The following TTLL4 variants were observed in gnomAD, a reference collection of about 807,000 sequenced individuals.
The protein encoded by TTLL4 is tubulin monoglutamylase TTLL4.
In TTLL4, 85 loss-of-function variants were observed where a neutral mutation model predicts 122.7. The observed-to-expected ratio is 0.69, with a 90% confidence interval of 0.58 to 0.83. The LOEUF (loss-of-function observed/expected upper bound fraction) is 0.83. Among genes scored for constraint, TTLL4 ranks in the 40% least tolerant of loss-of-function variants. TTLL4 has a pLI of 0.00. For synonymous variants in TTLL4, 553 were observed against 563.0 expected, an observed-to-expected ratio of 0.98 and a Z score of 0.25; for missense variants, 1,363 against 1,488.6, an observed-to-expected ratio of 0.92 and a Z score of 1.39.
chr2:218,711,972 G>A (rs949007462), intron 1 of TTLL4, among the ~76,000 whole-genome samples: 1 of 151,818 alleles, frequency 6.6e-6, no homozygotes, highest in African/African-American at 2.4e-5. Flanking sequence ...ACTGAATACT[G>A]AGACACTGTT....
Position 218,747,639 on chromosome 2 carries a change from C to T in TTLL4, c.2292C>T (p.Asp764=), listed in dbSNP as rs759782948. 1 of 1,614,188 alleles carries T rather than the reference C, an allele frequency of 6.2e-7. No homozygotes were observed. Among genetic ancestry groups the T allele is most frequent in the South Asian group, 1.1e-5 (1 of 91,082 alleles). Residue 764 remains aspartate, a synonymous_variant, in exon 11 of 20, where the codon GAC becomes GAT. Transcript: ENST00000392102. This position sits in a 1 kb window ranked among gnomAD's most constrained non-coding sequence, Gnocchi z 4.7. The part of the protein sequence containing the change: ...KPYLISGSKF[D]LRIYVYVTSY... The stretch of plus-strand genomic sequence containing the variant: ...ACCTCATCAGCGGCAGCAAGTTTGA[C>T]CTGCGGATCTATGTTTATGTCACTT...
chr2:218,738,440 C>T lies in TTLL4; in HGVS notation c.764C>T (p.Ser255Leu). The change falls in exon 3 of 20, where the codon TCA (serine) becomes TTA (leucine). Residue 255 changes from serine (S) to leucine (L), a missense_variant. Coordinates refer to ENST00000392102, the MANE Select transcript of TTLL4 (RefSeq NM_014640.5). Reference sequence around the variant, plus strand: ...ATCCAGCCTGTCTCCTGGCATCATTCAGGGGGTACTGGAGACTGTGCACCG... The same window carrying T: ...ATCCAGCCTGTCTCCTGGCATCATTTAGGGGGTACTGGAGACTGTGCACCG... ...PKIQPVSWHH[S>L]GGTGDCAPQP... The T allele has an allele frequency of 1.9e-6, 3 of 1,614,212 alleles. No homozygotes were observed. Among genetic ancestry groups the T allele is most frequent in the South Asian group, 2.2e-5 (2 of 91,086 alleles).
Position 218,737,943 on chromosome 2 carries a change from C to T in TTLL4, c.267C>T (p.Ser89=). 1 of 1,614,220 alleles carries T rather than the reference C, an allele frequency of 6.2e-7. No individual in the cohort carries two copies. The highest frequency in any genetic ancestry group is 8.5e-7 in the Non-Finnish European group (1 of 1,180,050). The change falls in exon 3 of 20, where the codon AGC becomes AGT. Residue 89 remains serine (S), a synonymous_variant. Transcript: ENST00000392102. ...AYFFCPSTLC[S]SGTTAVIAGH... ...TCTTTTGCCCCAGCACTTTATGTAG[C>T]TCTGGGACCACGGCTGTCATTGCAG...
chr2:218,746,729 T>G, intron 8 of TTLL4: 2 of 484,268 alleles, frequency 4.1e-6, no homozygotes, highest in East Asian at 3.7e-5. Context: ...CCTCATCCCA[T>G]AGGGTTTCAT....
intron 2 of TTLL4, among the ~76,000 whole-genome samples, chr2:218,734,775 C>G (rs529401956): frequency 6.6e-6 from 1 of 152,098 alleles, no homozygotes; most frequent in Non-Finnish European, 1.5e-5. Context: ...GATTAAGTGA[C>G]GGGATTATGA....
At chr2:218,728,179 T>C (rs1156594780) in intron 2 of TTLL4, 2 of 152,446 alleles carry the variant, frequency 1.3e-5, no homozygotes, top group Non-Finnish European at 2.9e-5. Context: ...AGGCGATGGT[T>C]TGGGGATGAT....
chr2:218,753,728 C>T (rs1258169606), intron 19 of TTLL4, 59 bp downstream of exon 19: 4 of 1,558,062 alleles, frequency 2.6e-6, no homozygotes, highest in Non-Finnish European at 3.5e-6. Context: ...AGTTTTCTTC[C>T]TTCCCCTCTT....
chr2:218,757,980 C>T (rs1367341341), downstream of TTLL4, among the ~76,000 whole-genome samples: 1 of 152,118 alleles, frequency 6.6e-6, no homozygotes, highest in African/African-American at 2.4e-5. Context: ...CCATTTCTTG[C>T]CACCTGAGAT....
At chr2:218,748,759 C>A in intron 12 of TTLL4, 77 bp from the exon 13 acceptor site, 1 of 1,264,346 alleles carries the variant, frequency 7.9e-7, no homozygotes. Context: ...ACCATTAGGT[C>A]TCTTCTTCGT....
chr2:218,753,317 C>T (rs1277693841), intron 18 of TTLL4, 132 bp downstream of exon 18: 8 of 1,058,474 alleles, frequency 7.6e-6, no homozygotes, highest in African/African-American at 1.6e-5. Flanking sequence ...TCTGTCTCAC[C>T]ATTCTTTCCT....
intron 5 of TTLL4, 98 bp downstream of exon 5, chr2:218,740,682 C>G (rs544415160): frequency 7.1e-7 from 1 of 1,414,530 alleles, no homozygotes; most frequent in Non-Finnish European, 9.9e-7. Flanking sequence ...GCCTGGAGAA[C>G]TCTAATGCAT....
Position 218,754,188 on chromosome 2 carries a change from CA to C in TTLL4, c.3402del (p.Lys1134AsnfsTer38). 1 of 1,614,186 alleles carries C rather than the reference CA, an allele frequency of 6.2e-7. No homozygotes were observed. Among genetic ancestry groups the C allele is most frequent in the Admixed American group, 1.7e-5 (1 of 60,016 alleles). On this transcript the variant is annotated frameshift_variant, in exon 20 of 20. Coordinates refer to ENST00000392102, the MANE Select transcript of TTLL4 (RefSeq NM_014640.5). LOFTEE classifies it low-confidence loss of function (END_TRUNC). ...TACTCTCTGAAGACGGGACCACGCC[CA>C]AATCCAAGAAGACTCAAGCTGGCCT... ...LLLSEDGTTP[K>X]SKKTQAGLSP...
intron 2 of TTLL4, among the ~76,000 whole-genome samples, chr2:218,736,953 G>A (rs1942541819): frequency 6.6e-6 from 1 of 150,578 alleles, no homozygotes; most frequent in Admixed American, 6.7e-5. Context: ...AGGCTCAAGC[G>A]ATCCTCCCAC....
intron 7 of TTLL4, 159 bp from the exon 8 acceptor site, chr2:218,745,996 T>G: frequency 2.2e-6 from 2 of 908,204 alleles, no homozygotes; most frequent in Non-Finnish European, 3.6e-6. Context: ...CAGAGGGCCA[T>G]TGTTCTGTCC....
intron 1 of TTLL4, among the ~76,000 whole-genome samples, chr2:218,722,594 C>T (rs1450025978): frequency 1.3e-5 from 2 of 152,150 alleles, no homozygotes; most frequent in African/African-American, 4.8e-5. Flanking sequence ...GAGGTGGGAA[C>T]GTTCCTCATG....
At chr2:218,734,978 T>C (rs999143689) in intron 2 of TTLL4, among the ~76,000 whole-genome samples, 2 of 152,220 alleles carry the variant, frequency 1.3e-5, no homozygotes, top group African/African-American at 4.8e-5. Context: ...TTGAGGTGAC[T>C]GGCCTCAAAA....
chr2:218,750,169 G>T, intron 15 of TTLL4, 23 bp downstream of exon 15: 1 of 1,611,008 alleles, frequency 6.2e-7, no homozygotes, highest in Non-Finnish European at 8.5e-7. Context: ...TTTCTTCACA[G>T]CTCTGCTGGC....
chr2:218,732,571 A>G (rs1575168378), intron 2 of TTLL4, among the ~76,000 whole-genome samples: 1 of 152,172 alleles, frequency 6.6e-6, no homozygotes, highest in Non-Finnish European at 1.5e-5. Flanking sequence ...GGTGCCAGAC[A>G]TTATTTGCCT....
intron 2 of TTLL4, among the ~76,000 whole-genome samples, chr2:218,733,266 A>C (rs1298210114): frequency 6.6e-6 from 1 of 152,174 alleles, no homozygotes; most frequent in Non-Finnish European, 1.5e-5. Flanking sequence ...TGGGTGATTT[A>C]TAAAGAAAAG....
Sources: gnomAD v4.1 joint callset for allele counts (sites outside exome capture counted in the v4.1 genomes callset) on GRCh38, gnomAD v4.1.1 for gene constraint, Gnocchi (gnomAD v3.1) non-coding constraint, MANE v1.5 for transcripts, NCBI Gene and HGNC (gene_info 2026-07-23, HGNC 2026-07-21) for gene names.